The following TRAPPC6B variants were observed in gnomAD, a reference collection of about 807,000 sequenced individuals.
The protein encoded by TRAPPC6B is TRAPP complex subunit 6B.
TRAPPC6B carries 27 observed loss-of-function variants against 24.7 expected under a neutral mutation model. That is an observed-to-expected ratio of 1.09 (90% CI 0.81 to 1.51). The LOEUF is 1.51. Ranked by LOEUF, TRAPPC6B falls within the 40% of genes most tolerant of loss-of-function variation. The probability of loss-of-function intolerance (pLI) is 0.00; values close to 1 mark genes in which losing one functional copy is unlikely to be tolerated. For synonymous variants in TRAPPC6B, 80 were observed against 66.6 expected, an observed-to-expected ratio of 1.20 and a Z score of -0.98; for missense variants, 212 against 190.8, an observed-to-expected ratio of 1.11 and a Z score of -0.66.
At chr14:39,159,632 A>G in intron 1 of TRAPPC6B, 82 bp from the exon 2 acceptor site, 1 of 1,011,142 alleles carries the variant, frequency 9.9e-7, no homozygotes, top group South Asian at 1.7e-5. Context: ...AGATTGGTTA[A>G]AAATATTAAT....
chr14:39,154,404 C>A, intron 3 of TRAPPC6B, 110 bp from the exon 4 acceptor site: 1 of 706,730 alleles, frequency 1.4e-6, no homozygotes. Flanking sequence ...TAAAAGTCTC[C>A]TTCCCATTGG....
chr14:39,158,205 GT>G, intron 3 of TRAPPC6B, 79 bp downstream of exon 3: 1 of 769,514 alleles, frequency 1.3e-6, no homozygotes, highest in Non-Finnish European at 2.1e-6. Flanking sequence ...ATTATTTTAG[GT>G]TTTAAATAAG....
intron 1 of TRAPPC6B, among the ~76,000 whole-genome samples, chr14:39,166,778 G>C (rs1594546263): frequency 6.6e-6 from 1 of 152,170 alleles, no homozygotes. Context: ...TCAGACTTTT[G>C]CATTTCGGAT....
chr14:39,165,126 A>T (rs1179813600), intron 1 of TRAPPC6B, among the ~76,000 whole-genome samples: 2 of 151,490 alleles, frequency 1.3e-5, no homozygotes, highest in African/African-American at 2.4e-5. Flanking sequence ...GCTCACTGCA[A>T]GCTCTGCCTC....
intron 1 of TRAPPC6B, among the ~76,000 whole-genome samples, chr14:39,167,500 T>C (rs1315086032): frequency 6.6e-6 from 1 of 152,212 alleles, no homozygotes; most frequent in Non-Finnish European, 1.5e-5. Context: ...CAGATCTTTT[T>C]ATGTCTGAAA....
At position 39,149,867 on chromosome 14, in the gene TRAPPC6B, G is replaced by T. The variant is rs1021467487; in HGVS notation, c.*483C>A. The T allele has an allele frequency of 3.3e-5, 5 of 152,392 alleles. No individual in the cohort carries two copies. The highest frequency in any genetic ancestry group is 7.3e-5 in the Non-Finnish European group (5 of 68,276). The allele number at this position is 152,392 out of a possible 1,614,324, so 9.4% of individuals were successfully genotyped here. On this transcript the variant is annotated 3_prime_UTR_variant, in exon 6 of 6. Transcript: ENST00000330149. Reference sequence around the variant, plus strand: ...ATATACACACATACAATGTATATATGAAATCCTTATACAGGTGTAAACATT... The same window carrying T: ...ATATACACACATACAATGTATATATTAAATCCTTATACAGGTGTAAACATT...
intron 1 of TRAPPC6B, among the ~76,000 whole-genome samples, chr14:39,160,186 G>A (rs2053039517): frequency 1.3e-5 from 2 of 152,078 alleles, no homozygotes; most frequent in Non-Finnish European, 2.9e-5. Context: ...ATTTTCCCAG[G>A]ATAGTAACCA....
intron 1 of TRAPPC6B, among the ~76,000 whole-genome samples, chr14:39,165,526 T>C (rs144216127): frequency 2.6e-5 from 4 of 152,168 alleles, no homozygotes; most frequent in East Asian, 1.9e-4. Flanking sequence ...CCAGGCGCAG[T>C]GCTCATGCCT....
rs931108072 is a variant in TRAPPC6B at position 39,166,809 on chromosome 14, C to T, written c.81+3206G>A. Reference sequence around the variant, plus strand: ...CGGATGACTCCAACTGGTCCTCTGGCCCCCACCTCTGTAACTGCATCCCCA... The same window carrying T: ...CGGATGACTCCAACTGGTCCTCTGGTCCCCACCTCTGTAACTGCATCCCCA... On this transcript the variant is annotated intron_variant, in intron 1 of 5. Transcript: ENST00000330149. Among the ~76,000 whole-genome samples, 5 of 149,046 alleles carry T rather than the reference C, an allele frequency of 3.4e-5. 1 individual carries two copies. Among genetic ancestry groups the T allele is most frequent in the East Asian group, 2.0e-4 (1 of 5,016 alleles).
Position 39,159,513 on chromosome 14 carries a change from C to T in TRAPPC6B, c.119G>A (p.Gly40Glu). Residue 40 changes from glycine (G) to glutamate (E), a missense_variant, in exon 2 of 6, where the codon GGG becomes GAG. Transcript: ENST00000330149. Reference sequence around the variant, plus strand: ...TATCAATCCTTGTCCCACTCGAAACCCCATGTTTTCCAGCTTAGTAATACA... The same window carrying T: ...TATCAATCCTTGTCCCACTCGAAACTCCATGTTTTCCAGCTTAGTAATACA... ...GRCITKLENM[G>E]FRVGQGLIER... is the part of the protein sequence containing the mutation. The T allele has an allele frequency of 6.2e-7, 1 of 1,605,250 alleles. No homozygotes were observed.
chr14:39,151,650 T>A (rs912992102), intron 5 of TRAPPC6B, 96 bp downstream of exon 5: 60 of 866,052 alleles, frequency 6.9e-5, no homozygotes, highest in Non-Finnish European at 9.5e-5. Context: ...AATGAAAGTT[T>A]CAGCATTTTA....
rs758942643 is a variant in TRAPPC6B at position 39,159,567 on chromosome 14, T to C, written c.82-17A>G. 79 of 1,575,850 alleles carry C rather than the reference T, an allele frequency of 5.0e-5. No individual in the cohort carries two copies. Among genetic ancestry groups the C allele is most frequent in the African/African-American group, 1.4e-5 (1 of 73,820 alleles). ...TCCGTTTTCCTATTTTAAAAAACAA[T>C]AGTTTTAAATACTTTTAGAATGCTA... On this transcript the variant is annotated splice_polypyrimidine_tract_variant and intron_variant, in intron 1 of 5. Coordinates refer to ENST00000330149, the MANE Select transcript of TRAPPC6B (RefSeq NM_001079537.2).
At chr14:39,154,146 A>G in intron 4 of TRAPPC6B, 65 bp downstream of exon 4, 2 of 952,322 alleles carry the variant, frequency 2.1e-6, no homozygotes, top group South Asian at 2.8e-5. Flanking sequence ...TGTTATGATT[A>G]GCACTGTACT....
intron 3 of TRAPPC6B, among the ~76,000 whole-genome samples, chr14:39,157,011 G>A (rs2052986872): frequency 6.6e-6 from 1 of 151,624 alleles, no homozygotes; most frequent in Non-Finnish European, 1.5e-5. Flanking sequence ...CTGGGAGCCT[G>A]AGGCAGAATG....
intron 1 of TRAPPC6B, among the ~76,000 whole-genome samples, chr14:39,161,264 C>G (rs897809990): frequency 6.6e-6 from 1 of 152,262 alleles, no homozygotes; most frequent in African/African-American, 2.4e-5. Context: ...ACACTTGGAT[C>G]AAGTAATAAC....
chr14:39,155,091 G>A (rs76819304), intron 3 of TRAPPC6B, among the ~76,000 whole-genome samples: 1 of 151,680 alleles, frequency 6.6e-6, no homozygotes, highest in African/African-American at 2.4e-5. Flanking sequence ...ACCACACCCG[G>A]CTAGTTTTAT....
At chr14:39,150,679 C>G (rs1002854018) in intron 5 of TRAPPC6B, among the ~76,000 whole-genome samples, 1 of 152,162 alleles carries the variant, frequency 6.6e-6, no homozygotes, top group African/African-American at 2.4e-5. Flanking sequence ...GCTGGGACTA[C>G]AGGCGTCTGT....
At chr14:39,159,913 A>G (rs1462619798) in intron 1 of TRAPPC6B, among the ~76,000 whole-genome samples, 1 of 152,078 alleles carries the variant, frequency 6.6e-6, no homozygotes, top group Non-Finnish European at 1.5e-5. Flanking sequence ...ACCTCCATCT[A>G]CAGGGTTCAA....
chr14:39,155,815 G>A (rs2052971568), intron 3 of TRAPPC6B, among the ~76,000 whole-genome samples: 1 of 152,234 alleles, frequency 6.6e-6, no homozygotes, highest in East Asian at 1.9e-4. Flanking sequence ...GGGATTACAG[G>A]GGTGAGCCAC....
Sources: gnomAD v4.1 joint callset for allele counts (sites outside exome capture counted in the v4.1 genomes callset) on GRCh38, gnomAD v4.1.1 for gene constraint, MANE v1.5 for transcripts, NCBI Gene and HGNC (gene_info 2026-07-23, HGNC 2026-07-21) for gene names.